Variants in CABCOCO1 observed in about 807,000 individuals in gnomAD.
The protein encoded by CABCOCO1 is ciliary-associated calcium-binding coiled-coil protein 1.
A neutral mutation model predicts 35.7 loss-of-function variants in CABCOCO1; 28 were observed. That is an observed-to-expected ratio of 0.78 (90% CI 0.58 to 1.07). The LOEUF (loss-of-function observed/expected upper bound fraction) is 1.07, where lower values mean the gene tolerates loss of function less well. Among genes scored for constraint, CABCOCO1 ranks in the 50% least tolerant of loss-of-function variants. The pLI is 0.00. For synonymous variants in CABCOCO1, 95 were observed against 100.1 expected (o/e 0.95, Z 0.30); for missense variants, 326 against 309.2 (o/e 1.05, Z -0.41).
intron 5 of CABCOCO1, among the ~76,000 whole-genome samples, chr10:61,717,061 A>C (rs1011009296): frequency 6.6e-6 from 1 of 152,202 alleles, no homozygotes; most frequent in Non-Finnish European, 1.5e-5. Context: ...TGTGTCAGGC[A>C]CAATTCTAAA....
At chr10:61,684,670 G>A (rs72821788) in intron 3 of CABCOCO1, among the ~76,000 whole-genome samples, 18,090 of 151,984 alleles carry the variant, frequency 0.12, 1,142 homozygotes, top group Middle Eastern at 0.17. Flanking sequence ...TCCCCCAGGC[G>A]GCCTGTCCAG....
intron 5 of CABCOCO1, among the ~76,000 whole-genome samples, chr10:61,739,116 T>A (rs1841489508): frequency 6.6e-6 from 1 of 152,220 alleles, no homozygotes; most frequent in African/African-American, 2.4e-5. Context: ...ATTAAATGAC[T>A]ATTTTCTGAA....
chr10:61,723,463 G>A (rs1841071561), intron 5 of CABCOCO1, among the ~76,000 whole-genome samples: 1 of 152,164 alleles, frequency 6.6e-6, no homozygotes, highest in Admixed American at 6.5e-5. Context: ...GCTTTTGCTA[G>A]TCAATGTAAT....
At chr10:61,675,596 TAATTAA>T (rs747988392) in intron 2 of CABCOCO1, among the ~76,000 whole-genome samples, 9 of 152,272 alleles carry the variant, frequency 5.9e-5, no homozygotes, top group Non-Finnish European at 8.8e-5. Flanking sequence ...GGCAAATATT[TAATTAA>T]AAATACGTAG....
chr10:61,711,909 A>C (rs776753069), intron 5 of CABCOCO1, among the ~76,000 whole-genome samples: 1 of 152,062 alleles, frequency 6.6e-6, no homozygotes, highest in Non-Finnish European at 1.5e-5. Flanking sequence ...ATGAAAATGA[A>C]AGCACCAAAT....
intron 5 of CABCOCO1, among the ~76,000 whole-genome samples, chr10:61,727,148 C>A (rs554769423): frequency 6.6e-6 from 1 of 152,098 alleles, no homozygotes; most frequent in South Asian, 2.1e-4. Context: ...TTCTTGAAGG[C>A]AGGATTATTT....
chr10:61,738,292 T>C (rs1397640851), intron 5 of CABCOCO1, among the ~76,000 whole-genome samples: 1 of 152,126 alleles, frequency 6.6e-6, no homozygotes, highest in African/African-American at 2.4e-5. Context: ...AGCAGAAAGG[T>C]AGCAGGAGCC....
chr10:61,732,287 T>G (rs1331170524), intron 5 of CABCOCO1, among the ~76,000 whole-genome samples: 1 of 152,064 alleles, frequency 6.6e-6, no homozygotes, highest in East Asian at 1.9e-4. Flanking sequence ...TCAATCCAGG[T>G]GTGAACCATC....
chr10:61,713,945 A>T (rs1698859657), intron 5 of CABCOCO1, among the ~76,000 whole-genome samples: 1 of 152,178 alleles, frequency 6.6e-6, no homozygotes, highest in Non-Finnish European at 1.5e-5. Flanking sequence ...ATCGATGTTC[A>T]TCAGGGATAT....
intron 5 of CABCOCO1, among the ~76,000 whole-genome samples, chr10:61,702,481 A>G (rs1840483806): frequency 6.6e-6 from 1 of 152,214 alleles, no homozygotes; most frequent in South Asian, 2.1e-4. Context: ...GCAGTTGTTT[A>G]TAACTAAAAG....
At chr10:61,673,246 A>G (rs116359922) in intron 2 of CABCOCO1, among the ~76,000 whole-genome samples, 3,897 of 152,338 alleles carry the variant, frequency 0.026, 161 homozygotes, top group African/African-American at 0.089. Context: ...AATGGAATTT[A>G]TAGGCAGTAA....
chr10:61,689,836 A>T lies in CABCOCO1; in HGVS notation c.480-713A>T, dbSNP rs542898456. On this transcript the variant is annotated intron_variant, in intron 4 of 7. Coordinates refer to ENST00000648843, the MANE Select transcript of CABCOCO1 (RefSeq NM_001366906.2). Reference sequence around the variant, plus strand: ...AAGTCAGCCCTTCAGTAAATTTTTAACTCTTAATAATGCATTGCTCCTTAA... The same window carrying T: ...AAGTCAGCCCTTCAGTAAATTTTTATCTCTTAATAATGCATTGCTCCTTAA... Among the ~76,000 whole-genome samples the T allele has an allele frequency of 5.3e-5, 8 of 152,168 alleles. No individual in the cohort carries two copies. In the East Asian group the frequency reaches 1.5e-3, roughly 29 times the overall value.
chr10:61,666,260 A>G (rs548005268), intron 1 of CABCOCO1, among the ~76,000 whole-genome samples: 2 of 152,338 alleles, frequency 1.3e-5, no homozygotes, highest in East Asian at 1.9e-4. Flanking sequence ...ATTGAGCAGC[A>G]AAATTGTCAG....
chr10:61,743,249 T>C (rs1401593873), intron 5 of CABCOCO1, among the ~76,000 whole-genome samples: 1 of 152,202 alleles, frequency 6.6e-6, no homozygotes, highest in African/African-American at 2.4e-5. Flanking sequence ...TACTTGGACA[T>C]ATGGAAAATA....
intron 4 of CABCOCO1, among the ~76,000 whole-genome samples, chr10:61,688,599 G>A (rs551612859): frequency 1.1e-4 from 17 of 152,188 alleles, no homozygotes; most frequent in African/African-American, 1.9e-4. Context: ...CACGTCTGCC[G>A]TTGTGGATTC....
At chr10:61,740,776 T>C (rs1178059310) in intron 5 of CABCOCO1, among the ~76,000 whole-genome samples, 1 of 152,142 alleles carries the variant, frequency 6.6e-6, no homozygotes, top group Non-Finnish European at 1.5e-5. Flanking sequence ...AAATGAGCAA[T>C]GAAATCAATA....
chr10:61,756,895 G>GA (rs965432879), intron 5 of CABCOCO1, among the ~76,000 whole-genome samples: 12 of 147,716 alleles, frequency 8.1e-5, no homozygotes, highest in Admixed American at 1.3e-4. Context: ...GACTTTTGAG[G>GA]AAAAAAAAAT....
chr10:61,744,624 A>G (rs1433594856), intron 5 of CABCOCO1, among the ~76,000 whole-genome samples: 7 of 152,176 alleles, frequency 4.6e-5, no homozygotes. Flanking sequence ...AAATAAAACT[A>G]GTCTTCCAGT....
Position 61,690,550 on chromosome 10 carries a change from T to C in CABCOCO1, c.481T>C (p.Leu161=), listed in dbSNP as rs1354247741. The change falls in exon 5 of 8, where the codon TTA becomes CTA. Residue 161 remains leucine, a splice_region_variant and synonymous_variant. Coordinates refer to ENST00000648843, the MANE Select transcript of CABCOCO1 (RefSeq NM_001366906.2). ...NAIIDYLKIS[L]FQHYKLYEFM... is the part of the protein sequence containing the mutation. ...GTGCACATTTATTTTATATTTCAGC[T>C]TATTTCAACACTACAAGCTATACGA... 1 of 1,595,904 alleles carries C rather than the reference T, an allele frequency of 6.3e-7. No individual in the cohort carries two copies. The highest frequency in any genetic ancestry group is 8.6e-7 in the Non-Finnish European group (1 of 1,166,410).
Sources: gnomAD v4.1 joint callset for allele counts (sites outside exome capture counted in the v4.1 genomes callset) on GRCh38, gnomAD v4.1.1 for gene constraint, MANE v1.5 for transcripts, NCBI Gene and HGNC (gene_info 2026-07-23, HGNC 2026-07-21) for gene names.